Variants in TNRC6A observed in about 807,000 individuals in gnomAD.
The protein encoded by TNRC6A is trinucleotide repeat containing adaptor 6A.
A neutral mutation model predicts 221.2 loss-of-function variants in TNRC6A; 44 were observed. That is an observed-to-expected ratio of 0.20 (90% confidence interval 0.16 to 0.26). The LOEUF is 0.26. TNRC6A is among the 10% of genes least tolerant of loss of function. The probability of loss-of-function intolerance (pLI) is 1.00; values close to 1 mark genes in which losing one functional copy is unlikely to be tolerated. For synonymous variants in TNRC6A, 847 were observed against 838.5 expected (o/e 1.01, Z -0.18); for missense variants, 2,199 against 2,404.4 (o/e 0.91, Z 1.79).
At chr16:24,809,033 A>G (rs1022676849) in intron 17 of TNRC6A, among the ~76,000 whole-genome samples, 5 of 152,206 alleles carry the variant, frequency 3.3e-5, no homozygotes, top group African/African-American at 1.2e-4. Context: ...CAAGCAAAAG[A>G]TAGCAACTGA....
At chr16:24,721,067 T>C (rs1195015697) in intron 2 of TNRC6A, among the ~76,000 whole-genome samples, 2 of 151,968 alleles carry the variant, frequency 1.3e-5, no homozygotes, top group Non-Finnish European at 2.9e-5. Flanking sequence ...AAATTAAGGC[T>C]GCTGTATGGA....
At chr16:24,770,023 C>G (rs1381373184) in intron 4 of TNRC6A, among the ~76,000 whole-genome samples, 1 of 152,152 alleles carries the variant, frequency 6.6e-6, no homozygotes, top group Non-Finnish European at 1.5e-5. Flanking sequence ...AGAGTTTCAT[C>G]AGAATAGAGG....
chr16:24,724,296 C>T (rs1432782736), intron 2 of TNRC6A, among the ~76,000 whole-genome samples: 1 of 152,138 alleles, frequency 6.6e-6, no homozygotes, highest in African/African-American at 2.4e-5. Flanking sequence ...TGACATTGAG[C>T]AAGTTAATTA....
chr16:24,620,574 G>A (rs1019233267), intron 1 of TNRC6A, among the ~76,000 whole-genome samples: 3 of 152,166 alleles, frequency 2.0e-5, no homozygotes, highest in Non-Finnish European at 2.9e-5. Context: ...TTGGGAGGCC[G>A]ACGCGGGCAG....
At chr16:24,795,786 G>C (rs2058206564) in intron 8 of TNRC6A, 121 bp from the exon 9 acceptor site, 2 of 852,612 alleles carry the variant, frequency 2.3e-6, no homozygotes, top group South Asian at 2.3e-5. Context: ...GTGGTGACTT[G>C]CCCAAAGTTG....
intron 2 of TNRC6A, among the ~76,000 whole-genome samples, chr16:24,733,918 G>A (rs1375030372): frequency 1.3e-5 from 2 of 152,200 alleles, no homozygotes; most frequent in Admixed American, 1.3e-4. Flanking sequence ...GCTAACGCCT[G>A]TAATCCCAGC....
intron 2 of TNRC6A, among the ~76,000 whole-genome samples, chr16:24,665,592 T>G (rs758315949): frequency 6.6e-6 from 1 of 152,176 alleles, no homozygotes; most frequent in African/African-American, 2.4e-5. Context: ...CTATTCACAT[T>G]TTGGGTAGGA....
At chr16:24,807,540 T>G (rs1163310161) in intron 17 of TNRC6A, among the ~76,000 whole-genome samples, 4 of 152,078 alleles carry the variant, frequency 2.6e-5, no homozygotes, top group Non-Finnish European at 5.9e-5. Context: ...GAACTTGAAG[T>G]TTTAACTACT....
At chr16:24,755,343 C>G (rs1466927628) in intron 3 of TNRC6A, among the ~76,000 whole-genome samples, 1 of 152,218 alleles carries the variant, frequency 6.6e-6, no homozygotes, top group African/African-American at 2.4e-5. Flanking sequence ...AATGTAGAGT[C>G]AGCTTATTTC....
intron 11 of TNRC6A, among the ~76,000 whole-genome samples, chr16:24,800,419 T>C (rs964782): frequency 0.27 from 40,477 of 152,086 alleles, 5,589 homozygotes; most frequent in Middle Eastern, 0.33. Flanking sequence ...TAAGACCAGT[T>C]AATTCCATGG....
rs774769587 is a variant in TNRC6A at position 24,816,787 on chromosome 16, T to C, written c.4832-29T>C. The C allele has an allele frequency of 1.2e-5, 19 of 1,598,070 alleles. No individual in the cohort carries two copies. The Admixed American group carries it at 2.5e-4, about 21-fold the overall frequency. On this transcript the variant is annotated intron_variant, in intron 19 of 24. Transcript: ENST00000395799. ...TGGATTTTAAAATGATGATTAAGCT[T>C]TGAACTAATTTTAAATTTCCGTTTC...
Position 24,816,867 on chromosome 16 carries a change from C to G in TNRC6A, c.4883C>G (p.Thr1628Ser). 1.2e-6 allele frequency: 2 copies of G among 1,614,124 alleles called. No homozygotes were observed. The highest frequency in any genetic ancestry group is 1.3e-5 in the African/African-American group (1 of 75,052). ...GGTTATCCAAACATTGACCCTGAAA[C>G]TGACCCTTACGTCACTCCTGGCAGT... ...WKGYPNIDPE[T>S]DPYVTPGSVI... Residue 1628 changes from threonine to serine, a missense_variant, in exon 20 of 25, where the codon ACT (threonine) becomes AGT (serine). Physicochemically the swap from Thr to Ser is moderately conservative, Grantham distance 58 (BLOSUM62 1). Around this residue, in one of 8 missense-constraint regions of TNRC6A, gnomAD observed 449 missense variants for 579.7 expected, o/e 0.77. Coordinates refer to ENST00000395799, the MANE Select transcript of TNRC6A (RefSeq NM_014494.4).
At chr16:24,619,471 A>G (rs1047303453) in intron 1 of TNRC6A, among the ~76,000 whole-genome samples, 10 of 152,268 alleles carry the variant, frequency 6.6e-5, no homozygotes, top group Non-Finnish European at 1.3e-4. Flanking sequence ...GCAGGGAACA[A>G]TCAGATACAA....
At chr16:24,819,401 G>A (rs1417339660) in intron 21 of TNRC6A, among the ~76,000 whole-genome samples, 1 of 151,938 alleles carries the variant, frequency 6.6e-6, no homozygotes, top group Non-Finnish European at 1.5e-5. Flanking sequence ...GGCAGTGTGT[G>A]TCAGGAACTG....
In TNRC6A at chr16:24,794,593, T is replaced by C; in HGVS notation, c.3402T>C (p.Pro1134=). ...DGWCGDDMPL[P]GNRPTGWEEE... is the part of the protein sequence containing the mutation. ...GGTGTGGTGATGATATGCCATTGCC[T>C]GGAAATCGCCCCACTGGCTGGGAAG... is the stretch of plus-strand genomic sequence containing the variant. Residue 1134 remains proline (P), a synonymous_variant, in exon 8 of 25, where the codon CCT becomes CCC. Transcript: ENST00000395799. The C allele has an allele frequency of 6.2e-7, 1 of 1,614,032 alleles. No individual in the cohort carries two copies. Among genetic ancestry groups the C allele is most frequent in the South Asian group, 1.1e-5 (1 of 91,044 alleles).
intron 2 of TNRC6A, chr16:24,662,961 C>T (rs1175068785): frequency 6.5e-6 from 1 of 153,744 alleles, no homozygotes; most frequent in Non-Finnish European, 1.5e-5. Context: ...TCATCAGCAT[C>T]ACCTCCATGA....
At chr16:24,699,535 T>C (rs1403304507) in intron 2 of TNRC6A, among the ~76,000 whole-genome samples, 1 of 151,986 alleles carries the variant, frequency 6.6e-6, no homozygotes, top group Non-Finnish European at 1.5e-5. Context: ...CTGGGCAACA[T>C]AGCAAGATCC....
intron 1 of TNRC6A, among the ~76,000 whole-genome samples, chr16:24,613,204 A>G (rs1018894054): frequency 2.6e-5 from 4 of 151,382 alleles, no homozygotes; most frequent in Non-Finnish European, 5.9e-5. Context: ...GAGTTGGTCA[A>G]AAGAGGCCTC....
intron 11 of TNRC6A, chr16:24,803,429 A>C (rs2058367724): frequency 6.6e-6 from 1 of 152,022 alleles, no homozygotes; most frequent in Admixed American, 6.6e-5. Flanking sequence ...AAAAAAAAAA[A>C]GAAAAGAAAA....
Sources: allele counts gnomAD v4.1 joint callset (sites outside exome capture counted in the v4.1 genomes callset), GRCh38; gene constraint gnomAD v4.1.1; regional missense constraint gnomAD v4.1.1; transcripts MANE v1.5; gene names NCBI Gene and HGNC (gene_info 2026-07-23, HGNC 2026-07-21).